The following SLC9A8 variants were observed in gnomAD, a reference collection of about 807,000 sequenced individuals.
SLC9A8 encodes the protein solute carrier family 9 member A8.
A neutral mutation model predicts 66.6 loss-of-function variants in SLC9A8; 48 were observed. The ratio of observed to expected loss-of-function variants is 0.72; its 90% CI spans 0.57 to 0.92. The LOEUF is 0.92. SLC9A8 is among the 40% of genes least tolerant of loss of function. The pLI, the probability that SLC9A8 is intolerant of heterozygous loss-of-function variation, is 0.00. For missense variants in SLC9A8, 599 were observed against 747.3 expected (o/e 0.80, Z 2.31); for synonymous variants, 274 against 282.6 (o/e 0.97, Z 0.31).
rs8113969 is a variant in SLC9A8 at position 49,885,847 on chromosome 20, C to T, written c.1492-905C>T. Among the ~76,000 whole-genome samples, 649 of 152,326 alleles carry T rather than the reference C, an allele frequency of 4.3e-3. 3 individuals are homozygous for T. Among genetic ancestry groups the T allele is most frequent in the African/African-American group, 0.015 (626 of 41,576 alleles). On this transcript the variant is annotated intron_variant, in intron 14 of 15. Coordinates refer to ENST00000361573, the MANE Select transcript of SLC9A8 (RefSeq NM_015266.3). ...CCCGAGCCTGTCCTCTTTACTACCA[C>T]GCTGATCAGCAGTCCTCAAAATGGG...
intron 8 of SLC9A8, among the ~76,000 whole-genome samples, chr20:49,859,034 T>G (rs1346679638): frequency 6.6e-6 from 1 of 151,826 alleles, no homozygotes; most frequent in East Asian, 1.9e-4. Flanking sequence ...GGAGCATGCA[T>G]GTATAGTTTC....
intron 7 of SLC9A8, among the ~76,000 whole-genome samples, chr20:49,854,413 C>T (rs1370280492): frequency 2.6e-5 from 4 of 151,978 alleles, no homozygotes; most frequent in Admixed American, 2.6e-4. Context: ...CAGCTCTTGG[C>T]CTGGCCAGCT....
chr20:49,861,822 G>A (rs565785111), intron 8 of SLC9A8, among the ~76,000 whole-genome samples: 33 of 152,130 alleles, frequency 2.2e-4, no homozygotes, highest in Non-Finnish European at 3.7e-4. Context: ...TAAAAGGAAA[G>A]TTCTTTCTTT....
intron 2 of SLC9A8, among the ~76,000 whole-genome samples, chr20:49,818,032 A>G (rs1315406266): frequency 2.0e-5 from 3 of 152,176 alleles, no homozygotes; most frequent in Non-Finnish European, 4.4e-5. Context: ...GGGCCTGGAA[A>G]AAAAAAACTT....
At chr20:49,823,951 T>G (rs1332903432) in intron 3 of SLC9A8, among the ~76,000 whole-genome samples, 1 of 152,240 alleles carries the variant, frequency 6.6e-6, no homozygotes, top group African/African-American at 2.4e-5. Context: ...CATTGCCTGG[T>G]AGATCTTTAG....
At chr20:49,842,721 A>G (rs2087818396) in intron 4 of SLC9A8, among the ~76,000 whole-genome samples, 1 of 152,244 alleles carries the variant, frequency 6.6e-6, no homozygotes, top group Non-Finnish European at 1.5e-5. Flanking sequence ...CCTGAAAGGC[A>G]GTGTGTTCAT....
chr20:49,869,921 T>C (rs575274067), intron 10 of SLC9A8, among the ~76,000 whole-genome samples: 9 of 152,152 alleles, frequency 5.9e-5, no homozygotes, highest in Non-Finnish European at 1.2e-4. Flanking sequence ...TGCACAGATA[T>C]CTAAGGAATT....
At chr20:49,822,444 T>G (rs1205647813) in intron 2 of SLC9A8, among the ~76,000 whole-genome samples, 1 of 152,218 alleles carries the variant, frequency 6.6e-6, no homozygotes. Context: ...TCAGAAAAAT[T>G]TGAATAATTT....
chr20:49,840,145 C>T (rs1189869460), intron 4 of SLC9A8, among the ~76,000 whole-genome samples: 3 of 152,052 alleles, frequency 2.0e-5, no homozygotes, highest in Non-Finnish European at 4.4e-5. Context: ...AGAAAGTGGC[C>T]GAGTGGAGTC....
At chr20:49,881,063 G>T in intron 13 of SLC9A8, 28 bp downstream of exon 13, 4 of 1,520,828 alleles carry the variant, frequency 2.6e-6, no homozygotes, top group South Asian at 1.1e-5. Context: ...TAAATGGGGT[G>T]GGGAAGTACC....
chr20:49,858,773 C>G (rs369647738), intron 8 of SLC9A8, among the ~76,000 whole-genome samples: 6 of 151,894 alleles, frequency 4.0e-5, no homozygotes, highest in Non-Finnish European at 5.9e-5. Flanking sequence ...GCCTTGCCAA[C>G]GTGGTGAAAC....
intron 5 of SLC9A8, among the ~76,000 whole-genome samples, chr20:49,847,966 A>G (rs928233717): frequency 7.4e-6 from 1 of 135,846 alleles, no homozygotes; most frequent in African/African-American, 2.8e-5. Context: ...CTGGAGTGCA[A>G]TGGCACGAAC....
In SLC9A8 at chr20:49,831,073, C is replaced by T. The variant is rs990208603; in HGVS notation, c.289+7932C>T. On this transcript the variant is annotated intron_variant, in intron 3 of 15. Transcript: ENST00000361573. ...ACAATATGTCCGCTGTGTCCTGAGC[C>T]TGCATACACTAAGCCGTCGGACCCC... 34 of 692,574 alleles carry T rather than the reference C, an allele frequency of 4.9e-5. No homozygotes were observed. In the East Asian group the frequency reaches 8.7e-4, roughly 18 times the overall value. 42.9% of individuals were successfully genotyped at this position (692,574 alleles called of 1,614,324 possible). A position where few individuals can be genotyped will look rare whatever the true frequency, so the allele number is the denominator to read the frequency against.
intron 2 of SLC9A8, among the ~76,000 whole-genome samples, chr20:49,822,366 C>T (rs1256123335): frequency 6.6e-6 from 1 of 152,358 alleles, no homozygotes; most frequent in East Asian, 1.9e-4. Context: ...ATTTCATTGA[C>T]TTCCTCTTCA....
Position 49,891,113 on chromosome 20 carries a change from G to A in SLC9A8, c.*3177G>A, listed in dbSNP as rs974068172. 1 of 152,404 alleles carries A rather than the reference G, an allele frequency of 6.6e-6. No homozygotes were observed. The highest frequency in any genetic ancestry group is 1.5e-5 in the Non-Finnish European group (1 of 68,258). The allele number at this position is 152,404 out of a possible 1,614,324, so 9.4% of individuals were successfully genotyped here. On this transcript the variant is annotated 3_prime_UTR_variant, in exon 16 of 16. Transcript: ENST00000361573. Reference sequence around the variant, plus strand: ...GCAGGCTGGGGTGTGGGTGTGGCCTGGGGTGGCTCAGGGCTGGAACTGCTG... The same window carrying A: ...GCAGGCTGGGGTGTGGGTGTGGCCTAGGGTGGCTCAGGGCTGGAACTGCTG...
intron 4 of SLC9A8, among the ~76,000 whole-genome samples, chr20:49,840,093 A>G (rs2087701436): frequency 6.6e-6 from 1 of 152,168 alleles, no homozygotes; most frequent in Non-Finnish European, 1.5e-5. Flanking sequence ...AAAAAGTGAC[A>G]CTCAGGGAGA....
chr20:49,812,890 C>A lies in SLC9A8; in HGVS notation c.-33C>A. 2 of 1,497,810 alleles carry A rather than the reference C, an allele frequency of 1.3e-6. No individual in the cohort carries two copies. The highest frequency in any genetic ancestry group is 2.4e-5 in the South Asian group (2 of 81,980). 92.8% of individuals were successfully genotyped at this position (1,497,810 alleles called of 1,614,324 possible). On this transcript the variant is annotated 5_prime_UTR_variant, in exon 1 of 16. Transcript: ENST00000361573. ...AAAGCGGGTCCTGCTAGCCCCGCGG[C>A]TCCGAACTCGGTGGTCCTGGAAGCT...
intron 8 of SLC9A8, among the ~76,000 whole-genome samples, chr20:49,858,880 C>A (rs1042938712): frequency 2.0e-5 from 3 of 151,812 alleles, no homozygotes; most frequent in African/African-American, 7.3e-5. Context: ...ATTGCTTGAA[C>A]CTGGGAGGCG....
At chr20:49,828,829 A>G (rs991226790) in intron 3 of SLC9A8, among the ~76,000 whole-genome samples, 1 of 151,230 alleles carries the variant, frequency 6.6e-6, no homozygotes, top group Non-Finnish European at 1.5e-5. Flanking sequence ...ACAGAGTGAG[A>G]CTCTGTCTCA....
Sources: allele counts gnomAD v4.1 joint callset (sites outside exome capture counted in the v4.1 genomes callset), GRCh38; gene constraint gnomAD v4.1.1; transcripts MANE v1.5; gene names NCBI Gene and HGNC (gene_info 2026-07-23, HGNC 2026-07-21).